The following CSMD1 variants were observed in gnomAD, a reference collection of about 807,000 sequenced individuals.
CSMD1 encodes CUB and sushi domain-containing protein 1.
Under a neutral mutation model 417.5 loss-of-function variants are expected in CSMD1, and 213 were observed. The observed-to-expected ratio is 0.51, with a 90% confidence interval of 0.46 to 0.57. CSMD1 has a LOEUF of 0.57. CSMD1 is among the 20% of genes least tolerant of loss of function. The pLI, the probability that CSMD1 is intolerant of heterozygous loss-of-function variation, is 0.00. For synonymous variants in CSMD1, 2,862 were observed against 1,736.8 expected (o/e 1.65, Z -16.11); for missense variants, 6,923 against 4,529.7 (o/e 1.53, Z -15.17).
intron 5 of CSMD1, among the ~76,000 whole-genome samples, chr8:3,967,442 G>C (rs902015881): frequency 8.2e-6 from 1 of 122,212 alleles, no homozygotes; most frequent in Non-Finnish European, 1.7e-5. Context: ...CCTCATTCAG[G>C]ATCTTTGCTA....
At chr8:4,703,502 T>A (rs1045563278) in intron 1 of CSMD1, among the ~76,000 whole-genome samples, 1 of 152,164 alleles carries the variant, frequency 6.6e-6, no homozygotes, top group African/African-American at 2.4e-5. Flanking sequence ...CATGTATACT[T>A]CATGAAAGTT....
intron 5 of CSMD1, among the ~76,000 whole-genome samples, chr8:3,912,529 G>C (rs1480603400): frequency 6.6e-6 from 1 of 152,144 alleles, no homozygotes; most frequent in Non-Finnish European, 1.5e-5. Flanking sequence ...CATAACAGAG[G>C]GGGCTGGTTA....
In CSMD1 at chr8:3,346,944, G is replaced by A. The variant is rs544849053; in HGVS notation, c.3474+1048C>T. 3.7e-4 allele frequency among the ~76,000 whole-genome samples: 57 copies of A among 152,154 alleles called. 1 individual carries two copies. Among genetic ancestry groups the A allele is most frequent in the Non-Finnish European group, 7.1e-4 (48 of 68,028 alleles). On this transcript the variant is annotated intron_variant, in intron 22 of 69. Coordinates refer to ENST00000635120, the MANE Select transcript of CSMD1 (RefSeq NM_033225.6). The stretch of plus-strand genomic sequence containing the variant: ...TCTGTCCAACTAAATTGCTCACCTC[G>A]CTGAAATAAGCAGGTGACTGGACGG...
chr8:2,938,168 CAA>C lies in CSMD1; in HGVS notation c.*415_*416del, dbSNP rs1801622640. 6.3e-6 allele frequency: 1 copy of C among 159,470 alleles called. No homozygotes were observed. The highest frequency in any genetic ancestry group is 2.4e-5 in the African/African-American group (1 of 41,694). 9.9% of individuals were successfully genotyped at this position (159,470 alleles called of 1,614,324 possible). A position where few individuals can be genotyped will look rare whatever the true frequency, so the allele number is the denominator to read the frequency against. ...GGGGGTTTAAAAAGGAAAAACAACA[CAA>C]GAGAACACATATCGTGGTGCCACCA... is the stretch of plus-strand genomic sequence containing the variant. On this transcript the variant is annotated 3_prime_UTR_variant, in exon 70 of 70. Coordinates refer to ENST00000635120, the MANE Select transcript of CSMD1 (RefSeq NM_033225.6).
intron 10 of CSMD1, among the ~76,000 whole-genome samples, chr8:3,504,552 T>C (rs1371908069): frequency 6.6e-6 from 1 of 152,222 alleles, no homozygotes; most frequent in African/African-American, 2.4e-5. Context: ...CCCAGGCACA[T>C]TCTGCCACCA....
chr8:4,978,035 T>A, intron 1 of CSMD1, among the ~76,000 whole-genome samples: 1 of 152,184 alleles, frequency 6.6e-6, no homozygotes, highest in East Asian at 1.9e-4. Context: ...AGATACACAT[T>A]CACTTTTACA....
Position 4,879,005 on chromosome 8 carries a change from G to C in CSMD1, c.85+115327C>G, listed in dbSNP as rs150773373. On this transcript the variant is annotated intron_variant, in intron 1 of 69. Transcript: ENST00000635120. ...TCATGGGAGAACAGGATGGGTGAGG[G>C]CAAGGGACAGGATATTTGGGGTTTG... Among the ~76,000 whole-genome samples the C allele has an allele frequency of 8.7e-4, 133 of 152,068 alleles. 1 individual carries two copies. Among genetic ancestry groups the C allele is most frequent in the African/African-American group, 3.0e-3 (126 of 41,416 alleles).
intron 3 of CSMD1, among the ~76,000 whole-genome samples, chr8:4,154,578 G>C (rs952647446): frequency 6.6e-6 from 1 of 152,150 alleles, no homozygotes; most frequent in Non-Finnish European, 1.5e-5. Flanking sequence ...TGGGCCAAGA[G>C]GTGAGGTCTT....
intron 3 of CSMD1, among the ~76,000 whole-genome samples, chr8:4,048,175 G>C (rs1454777086): frequency 6.6e-6 from 1 of 152,098 alleles, no homozygotes; most frequent in Non-Finnish European, 1.5e-5. Flanking sequence ...CTTTGTTTTG[G>C]TTGTTGGTGC....
chr8:2,962,383 T>A (rs888545231), intron 61 of CSMD1, 83 bp downstream of exon 61: 5 of 1,273,926 alleles, frequency 3.9e-6, no homozygotes, highest in East Asian at 4.7e-5. Flanking sequence ...TTCTATGTAA[T>A]CACAAATGAC....
chr8:3,097,164 T>C (rs185276924), intron 46 of CSMD1, 127 bp from the exon 47 acceptor site: 30 of 647,362 alleles, frequency 4.6e-5, no homozygotes, highest in Non-Finnish European at 6.6e-5. Flanking sequence ...TCTGGCCAAA[T>C]TTAATACCGA....
intron 3 of CSMD1, among the ~76,000 whole-genome samples, chr8:4,174,885 ACATCT>A (rs1399475393): frequency 2.0e-5 from 3 of 150,478 alleles, no homozygotes; most frequent in Non-Finnish European, 2.9e-5. Context: ...TGTACACTAG[ACATCT>A]CAGCCACACT....
intron 26 of CSMD1, among the ~76,000 whole-genome samples, chr8:3,244,156 G>A (rs1585773417): frequency 6.6e-6 from 1 of 152,204 alleles, no homozygotes; most frequent in African/African-American, 2.4e-5. Flanking sequence ...GAAAGCTGTT[G>A]GGTTCGAAAT....
intron 2 of CSMD1, among the ~76,000 whole-genome samples, chr8:4,479,212 A>C (rs1249686755): frequency 6.6e-6 from 1 of 152,248 alleles, no homozygotes; most frequent in African/African-American, 2.4e-5. Flanking sequence ...AGCCCTGAGA[A>C]GATACCCCTG....
intron 1 of CSMD1, among the ~76,000 whole-genome samples, chr8:4,861,552 G>A (rs1400994376): frequency 1.3e-5 from 2 of 152,062 alleles, no homozygotes; most frequent in African/African-American, 4.8e-5. Flanking sequence ...TGGATGTTAC[G>A]AAGAAAAATG....
intron 50 of CSMD1, 83 bp downstream of exon 50, chr8:3,052,379 A>G: frequency 9.6e-7 from 1 of 1,038,638 alleles, no homozygotes; most frequent in Non-Finnish European, 1.4e-6. Flanking sequence ...AGGACCTCTG[A>G]ACGTGGGAAC....
chr8:4,190,054 C>A (rs544846293), intron 3 of CSMD1, among the ~76,000 whole-genome samples: 3 of 151,528 alleles, frequency 2.0e-5, no homozygotes, highest in Non-Finnish European at 4.4e-5. Flanking sequence ...GTCAGGAGAT[C>A]GAGACCATCC....
chr8:3,599,188 G>C (rs945306745), intron 8 of CSMD1, among the ~76,000 whole-genome samples: 2 of 148,542 alleles, frequency 1.3e-5, no homozygotes, highest in African/African-American at 2.5e-5. Context: ...TGTGAGATGA[G>C]GGATACTGTA....
At chr8:4,796,261 G>A (rs1242387664) in intron 1 of CSMD1, among the ~76,000 whole-genome samples, 1 of 151,940 alleles carries the variant, frequency 6.6e-6, no homozygotes, top group African/African-American at 2.4e-5. Context: ...TGTGAGGCTG[G>A]AACAAGGAGC....
Sources: allele counts gnomAD v4.1 joint callset (sites outside exome capture counted in the v4.1 genomes callset), GRCh38; gene constraint gnomAD v4.1.1; transcripts MANE v1.5; gene names NCBI Gene and HGNC (gene_info 2026-07-23, HGNC 2026-07-21).